CATSPERD: variants seen among roughly 807,000 people sequenced by gnomAD.
CATSPERD encodes cation channel sperm-associated auxiliary subunit delta.
Under a neutral mutation model 98.1 loss-of-function variants are expected in CATSPERD, and 86 were observed. That is an observed-to-expected ratio of 0.88 (90% CI 0.74 to 1.05). The LOEUF (loss-of-function observed/expected upper bound fraction) is 1.05. Among genes scored for constraint, CATSPERD ranks in the 50% least tolerant of loss-of-function variants. The pLI, the probability that CATSPERD is intolerant of heterozygous loss-of-function variation, is 0.00. For missense variants in CATSPERD, 995 were observed against 1,005.7 expected, an observed-to-expected ratio of 0.99 and a Z score of 0.14; for synonymous variants, 394 against 390.2, an observed-to-expected ratio of 1.01 and a Z score of -0.12.
At chr19:5,726,440 G>A (rs2055605908) in intron 2 of CATSPERD, among the ~76,000 whole-genome samples, 1 of 152,046 alleles carries the variant, frequency 6.6e-6, no homozygotes, top group South Asian at 2.1e-4. Flanking sequence ...GTAGTGCAGT[G>A]CTGAGATCAT....
intron 4 of CATSPERD, among the ~76,000 whole-genome samples, chr19:5,732,126 A>G (rs1290110254): frequency 6.6e-6 from 1 of 151,608 alleles, no homozygotes; most frequent in African/African-American, 2.4e-5. Flanking sequence ...AAAATTAGCC[A>G]CCACGCCTGG....
At position 5,720,737 on chromosome 19, in the gene CATSPERD, G is replaced by A. The variant is rs764965582; in HGVS notation, c.-1G>A. The A allele has an allele frequency of 2.5e-6, 4 of 1,606,642 alleles. No individual in the cohort carries two copies. The highest frequency in any genetic ancestry group is 1.7e-4 in the Middle Eastern group (1 of 5,958). ...AGTGGTGGCGGCGGAAGCCCAAGTC[G>A]ATGCTGATGTTGATGCTGGTGGCGG... On this transcript the variant is annotated 5_prime_UTR_variant, in exon 1 of 22. Transcript: ENST00000381624.
At chr19:5,753,494 A>G (rs568195352) in intron 12 of CATSPERD, 92 of 241,242 alleles carry the variant, frequency 3.8e-4, no homozygotes, top group Middle Eastern at 1.8e-3. Flanking sequence ...CCCCGGAGGC[A>G]GAGCTTGCAG....
At chr19:5,767,807 T>C (rs2056570903) in intron 17 of CATSPERD, among the ~76,000 whole-genome samples, 1 of 151,226 alleles carries the variant, frequency 6.6e-6, no homozygotes, top group Non-Finnish European at 1.5e-5. Flanking sequence ...TTTTATCGAT[T>C]TATTTTTGAG....
At chr19:5,744,545 AC>A in intron 8 of CATSPERD, 35 bp downstream of exon 8, 1 of 1,474,138 alleles carries the variant, frequency 6.8e-7, no homozygotes, top group Non-Finnish European at 9.3e-7. Context: ...TACTCAGAGG[AC>A]CTTTGCCCAA....
At chr19:5,760,073 C>CA (rs60075484) in intron 15 of CATSPERD, among the ~76,000 whole-genome samples, 35,627 of 48,426 alleles carry the variant, frequency 0.74, 12,829 homozygotes, top group Middle Eastern at 0.78. Context: ...GACTCCATCT[C>CA]AAAAAAAAAA....
chr19:5,757,542 C>T (rs955789532), intron 13 of CATSPERD, among the ~76,000 whole-genome samples: 1 of 151,148 alleles, frequency 6.6e-6, no homozygotes, highest in African/African-American at 2.4e-5. Flanking sequence ...GGTGATCCAC[C>T]TGCCTCGGCC....
At chr19:5,768,929 G>A (rs529510806) in intron 18 of CATSPERD, among the ~76,000 whole-genome samples, 4 of 152,174 alleles carry the variant, frequency 2.6e-5, no homozygotes, top group East Asian at 1.9e-4. Context: ...CGAGGTAGGC[G>A]GATCACTTGA....
Position 5,730,096 on chromosome 19 carries a change from C to T in CATSPERD, c.276+152C>T, listed in dbSNP as rs1264631497. ...CAAGACATTAAGGGCAATTTCTAAG[C>T]CTAAAGAAGGGCTGGTTTTATTCTG... On this transcript the variant is annotated intron_variant, in intron 4 of 21. Coordinates refer to ENST00000381624, the MANE Select transcript of CATSPERD (RefSeq NM_152784.4). 7 of 510,172 alleles carry T rather than the reference C, an allele frequency of 1.4e-5. No homozygotes were observed. In the East Asian group the frequency reaches 1.9e-4, roughly 14 times the overall value. The allele number at this position is 510,172 out of a possible 1,614,324, so 31.6% of individuals were successfully genotyped here. A position where few individuals can be genotyped will look rare whatever the true frequency, so the allele number is the denominator to read the frequency against.
At chr19:5,758,749 A>C (rs552298157) in intron 14 of CATSPERD, among the ~76,000 whole-genome samples, 1 of 150,998 alleles carries the variant, frequency 6.6e-6, no homozygotes, top group East Asian at 1.9e-4. Flanking sequence ...TCTTAAAAAA[A>C]AAAGAGAAGA....
intron 3 of CATSPERD, among the ~76,000 whole-genome samples, chr19:5,728,238 G>A (rs1216390863): frequency 2.0e-5 from 3 of 151,146 alleles, no homozygotes; most frequent in Non-Finnish European, 4.4e-5. Context: ...CCCGCCTGTA[G>A]TCCCAGCTAC....
rs1313407125 is a variant in CATSPERD at position 5,763,278 on chromosome 19, G to T, written c.1491G>T (p.Val497=). 6.2e-7 allele frequency: 1 copy of T among 1,613,918 alleles called. No individual in the cohort carries two copies. Among genetic ancestry groups the T allele is most frequent in the South Asian group, 1.1e-5 (1 of 91,068 alleles). The change falls in exon 16 of 22, where the codon GTG becomes GTT. Residue 497 remains valine (V), a synonymous_variant. Transcript: ENST00000381624. ...VDIANKEISC[V]DIKPLSTLIS... ...TAGCAAACAAGGAAATTTCATGTGT[G>T]GATATCAAGCCACTGGTAGGTCCCA...
chr19:5,732,455 C>A (rs190196759), intron 4 of CATSPERD, among the ~76,000 whole-genome samples: 2 of 128,488 alleles, frequency 1.6e-5, no homozygotes, highest in Non-Finnish European at 3.6e-5. Context: ...TTTTTTGAGA[C>A]GGAGTCTCAC....
intron 20 of CATSPERD, 32 bp downstream of exon 20, chr19:5,772,997 A>G: frequency 6.2e-7 from 1 of 1,604,796 alleles, no homozygotes; most frequent in Admixed American, 1.7e-5. Flanking sequence ...TTCCAGAAGA[A>G]TCAGCAGCCC....
At chr19:5,724,746 T>C in intron 1 of CATSPERD, 62 bp from the exon 2 acceptor site, 1 of 1,516,958 alleles carries the variant, frequency 6.6e-7, no homozygotes, top group Non-Finnish European at 9.2e-7. Flanking sequence ...GTTGGCTGAG[T>C]AGGAGGATTC....
chr19:5,745,992 T>G lies in CATSPERD; in HGVS notation c.737T>G (p.Leu246Arg), dbSNP rs1250859096. Residue 246 changes from leucine (L) to arginine (R), a missense_variant, in exon 9 of 22, where the codon CTC becomes CGC. Transcript: ENST00000381624. Reference sequence around the variant, plus strand: ...GACTATAATGGGACTCTAGACATCCTCATCGCCCCCGGCCAGAGAGGCATC... The same window carrying G: ...GACTATAATGGGACTCTAGACATCCGCATCGCCCCCGGCCAGAGAGGCATC... ...SFDYNGTLDI[L>R]IAPGQRGILL... 1 of 1,614,152 alleles carries G rather than the reference T, an allele frequency of 6.2e-7. No homozygotes were observed. Among genetic ancestry groups the G allele is most frequent in the Admixed American group, 1.7e-5 (1 of 60,012 alleles).
At chr19:5,762,316 G>A (rs1365291835) in intron 15 of CATSPERD, among the ~76,000 whole-genome samples, 3 of 151,338 alleles carry the variant, frequency 2.0e-5, no homozygotes, top group East Asian at 1.9e-4. Flanking sequence ...TGCCCACCTC[G>A]GCCTCCCAAA....
At chr19:5,751,415 T>C (rs2056215998) in intron 11 of CATSPERD, among the ~76,000 whole-genome samples, 1 of 141,232 alleles carries the variant, frequency 7.1e-6, no homozygotes, top group Non-Finnish European at 1.5e-5. Context: ...GCGTCTGTAG[T>C]CCCAGCTACT....
chr19:5,732,150 T>G (rs899723065), intron 4 of CATSPERD, among the ~76,000 whole-genome samples: 1 of 151,378 alleles, frequency 6.6e-6, no homozygotes, highest in African/African-American at 2.4e-5. Flanking sequence ...ATTTTTGTAT[T>G]TTTTAGTAGA....
Sources: allele counts gnomAD v4.1 joint callset (sites outside exome capture counted in the v4.1 genomes callset), GRCh38; gene constraint gnomAD v4.1.1; transcripts MANE v1.5; gene names NCBI Gene and HGNC (gene_info 2026-07-23, HGNC 2026-07-21).